The following TSHZ2 variants were observed in gnomAD, a reference collection of about 807,000 sequenced individuals.
The protein encoded by TSHZ2 is teashirt homolog 2.
In TSHZ2, 21 loss-of-function variants were observed where a neutral mutation model predicts 74.4. The ratio of observed to expected loss-of-function variants is 0.28; its 90% CI spans 0.20 to 0.41. The LOEUF (loss-of-function observed/expected upper bound fraction) is 0.41, where lower values mean the gene tolerates loss of function less well. Among genes scored for constraint, TSHZ2 ranks in the 10% least tolerant of loss-of-function variants. The probability of loss-of-function intolerance (pLI) is 1.00; values close to 1 mark genes in which losing one functional copy is unlikely to be tolerated. For synonymous variants in TSHZ2, 540 were observed against 515.3 expected, an observed-to-expected ratio of 1.05 and a Z score of -0.65; for missense variants, 1,244 against 1,293.5, an observed-to-expected ratio of 0.96 and a Z score of 0.59.
intron 1 of TSHZ2, among the ~76,000 whole-genome samples, chr20:53,060,704 T>C (rs1341204276): frequency 6.6e-6 from 1 of 152,188 alleles, no homozygotes; most frequent in East Asian, 1.9e-4. Context: ...ATATCCTGAA[T>C]AGAAGGAAGA....
At chr20:53,160,744 C>CAAAAAAAAAAAAAAAA (rs1762991150) in intron 1 of TSHZ2, among the ~76,000 whole-genome samples, 1 of 69,096 alleles carries the variant, frequency 1.4e-5, no homozygotes, top group African/African-American at 9.5e-5. Context: ...GACTCTGTCT[C>CAAAAAAAAAAAAAAAA]CAAAAAAAAA....
intron 2 of TSHZ2, among the ~76,000 whole-genome samples, chr20:53,386,613 C>G (rs1032306374): frequency 6.6e-6 from 1 of 152,194 alleles, no homozygotes; most frequent in African/African-American, 2.4e-5. Flanking sequence ...TCAAGGGCGA[C>G]ACTTCTGATT....
At chr20:53,179,471 G>C (rs1377959696) in intron 1 of TSHZ2, 1 of 152,192 alleles carries the variant, frequency 6.6e-6, no homozygotes, top group Non-Finnish European at 1.5e-5. Flanking sequence ...GATGCCAAAG[G>C]ATCCAGAGAA....
At chr20:53,132,004 A>C (rs1224402319) in intron 1 of TSHZ2, among the ~76,000 whole-genome samples, 1 of 152,092 alleles carries the variant, frequency 6.6e-6, no homozygotes, top group Non-Finnish European at 1.5e-5. Flanking sequence ...AAGAGAGAAG[A>C]AGGAAGAACT....
chr20:53,467,709 T>C (rs1985603458), intron 2 of TSHZ2, among the ~76,000 whole-genome samples: 1 of 152,124 alleles, frequency 6.6e-6, no homozygotes, highest in Admixed American at 6.6e-5. Flanking sequence ...CAAAAGAAGT[T>C]TACAGGTATA....
chr20:53,393,818 T>C (rs931734444), intron 2 of TSHZ2, among the ~76,000 whole-genome samples: 20 of 152,228 alleles, frequency 1.3e-4, no homozygotes, highest in Non-Finnish European at 2.2e-4. Flanking sequence ...GGAGGTTACA[T>C]AGGACTCTAC....
chr20:52,979,572 A>G (rs1247592540), intron 1 of TSHZ2, among the ~76,000 whole-genome samples: 1 of 152,208 alleles, frequency 6.6e-6, no homozygotes, highest in Non-Finnish European at 1.5e-5. Context: ...AATTGCTGAT[A>G]TATTTGTTTC....
chr20:53,280,694 T>G (rs954327328), intron 2 of TSHZ2, among the ~76,000 whole-genome samples: 6 of 146,224 alleles, frequency 4.1e-5, no homozygotes, highest in East Asian at 4.0e-4. Flanking sequence ...TGTGTGGGGG[T>G]TTTTTTGTGT....
chr20:53,126,266 T>C (rs1204359947), intron 1 of TSHZ2, among the ~76,000 whole-genome samples: 2 of 152,240 alleles, frequency 1.3e-5, no homozygotes, highest in African/African-American at 4.8e-5. Flanking sequence ...TTCCTATGCC[T>C]GTGCGATCAC....
chr20:53,461,379 T>C (rs1985364579), intron 2 of TSHZ2: 1 of 153,746 alleles, frequency 6.5e-6, no homozygotes, highest in Non-Finnish European at 1.4e-5. Flanking sequence ...AGTGAGGCAA[T>C]GCCTCGCCCT....
intron 1 of TSHZ2, among the ~76,000 whole-genome samples, chr20:53,251,086 A>G (rs968879954): frequency 3.9e-5 from 6 of 152,218 alleles, no homozygotes; most frequent in African/African-American, 1.4e-4. Context: ...GCCCTTAGCC[A>G]ATTGTGATGA....
intron 1 of TSHZ2, among the ~76,000 whole-genome samples, chr20:53,190,434 G>T (rs1988712011): frequency 6.6e-6 from 1 of 151,932 alleles, no homozygotes; most frequent in Non-Finnish European, 1.5e-5. Context: ...TTCTAATGAT[G>T]CAGGGCGAGG....
chr20:53,459,168 C>T lies in TSHZ2; in HGVS notation c.*9-27976C>T, dbSNP rs567046064. Among the ~76,000 whole-genome samples, 9 of 152,212 alleles carry T rather than the reference C, an allele frequency of 5.9e-5. No individual in the cohort carries two copies. The South Asian group carries it at 6.2e-4, about 11-fold the overall frequency. On this transcript the variant is annotated intron_variant, in intron 2 of 2. Coordinates refer to ENST00000371497, the MANE Select transcript of TSHZ2 (RefSeq NM_173485.6). ...TGTTGACAGTGGGGTGTTAAAGACT[C>T]GCATTATTAACGTGTGGGAGTCTAA...
At chr20:52,991,898 G>T (rs528940976) in intron 1 of TSHZ2, among the ~76,000 whole-genome samples, 1 of 152,292 alleles carries the variant, frequency 6.6e-6, no homozygotes, top group South Asian at 2.1e-4. Context: ...GCTGCTAATG[G>T]AATCACTGCA....
At chr20:53,429,388 T>G (rs1386968319) in intron 2 of TSHZ2, among the ~76,000 whole-genome samples, 1 of 152,234 alleles carries the variant, frequency 6.6e-6, no homozygotes, top group Non-Finnish European at 1.5e-5. Context: ...CCACGTGTTG[T>G]GGGGGGAACC....
At chr20:53,385,032 A>C (rs941088871) in intron 2 of TSHZ2, among the ~76,000 whole-genome samples, 1 of 152,078 alleles carries the variant, frequency 6.6e-6, no homozygotes, top group African/African-American at 2.4e-5. Context: ...GAGGCAGGAG[A>C]ATGGCGTGAA....
chr20:53,196,010 A>G (rs1160276686), intron 1 of TSHZ2, among the ~76,000 whole-genome samples: 1 of 152,132 alleles, frequency 6.6e-6, no homozygotes, highest in Non-Finnish European at 1.5e-5. Context: ...AGGCATAACA[A>G]GGGGGCCAGT....
chr20:53,162,212 A>G (rs565286238), intron 1 of TSHZ2, among the ~76,000 whole-genome samples: 2 of 152,340 alleles, frequency 1.3e-5, no homozygotes, highest in African/African-American at 4.8e-5. Context: ...CAAAATCACA[A>G]CTGAAGGAAA....
In TSHZ2 at chr20:53,123,531, TTTC is replaced by T. The variant is rs201502042; in HGVS notation, c.41-129962_41-129960del. Among the ~76,000 whole-genome samples the T allele has an allele frequency of 7.0e-3, 1,066 of 152,268 alleles. 9 individuals carry two copies. The highest frequency in any genetic ancestry group is 0.02 in the African/African-American group (827 of 41,546). On this transcript the variant is annotated intron_variant, in intron 1 of 2. Coordinates refer to ENST00000371497, the MANE Select transcript of TSHZ2 (RefSeq NM_173485.6). ...TTGTGGAGCAGGCTAACCTAGGCATTTTCTTCTTACATCAATGGCTGAGGGTAA... is the reference window on the plus strand; with the variant it reads ...TTGTGGAGCAGGCTAACCTAGGCATTTTCTTACATCAATGGCTGAGGGTAA...
Sources: gnomAD v4.1 joint callset for allele counts (sites outside exome capture counted in the v4.1 genomes callset) on GRCh38, gnomAD v4.1.1 for gene constraint, MANE v1.5 for transcripts, NCBI Gene and HGNC (gene_info 2026-07-23, HGNC 2026-07-21) for gene names.